The following CEP83 variants were observed in gnomAD, a reference collection of about 807,000 sequenced individuals.
CEP83 encodes centrosomal protein of 83 kDa.
CEP83 carries 70 observed loss-of-function variants against 101.9 expected under a neutral mutation model. That is an observed-to-expected ratio of 0.69 (90% CI 0.57 to 0.84). The LOEUF (loss-of-function observed/expected upper bound fraction) is 0.84. Ranked by LOEUF, CEP83 falls within the 40% of genes least tolerant of loss-of-function variation. CEP83 has a pLI of 0.00. For synonymous variants in CEP83, 264 were observed against 267.9 expected (o/e 0.99, Z 0.14); for missense variants, 715 against 787.2 (o/e 0.91, Z 1.10).
intron 8 of CEP83, among the ~76,000 whole-genome samples, chr12:94,372,018 G>A (rs2061331536): frequency 6.6e-6 from 1 of 152,124 alleles, no homozygotes; most frequent in African/African-American, 2.4e-5. Context: ...CTGTCGCCCA[G>A]GCTGGAGTAC....
rs897211859 is a variant in CEP83, at chr12:94,391,043, A to G, written c.549+9807T>C. Among the ~76,000 whole-genome samples the G allele has an allele frequency of 5.9e-5, 9 of 152,346 alleles. No individual in the cohort carries two copies. In the South Asian group the frequency reaches 1.7e-3, roughly 28 times the overall value. On this transcript the variant is annotated intron_variant, in intron 6 of 16. Coordinates refer to ENST00000397809, the MANE Select transcript of CEP83 (RefSeq NM_016122.3). ...GACAGGGAGAATGGAACCAAGCAGG[A>G]AAACATTCTTCAGGATATTATCCAG...
intron 6 of CEP83, among the ~76,000 whole-genome samples, chr12:94,390,829 T>G (rs975787041): frequency 6.6e-6 from 1 of 152,132 alleles, no homozygotes; most frequent in African/African-American, 2.4e-5. Flanking sequence ...TCGTGATGCA[T>G]GCAGAAGCTT....
chr12:94,297,281 C>T, the CEP83 span: 1 of 1,611,840 alleles, frequency 6.2e-7, no homozygotes, highest in Admixed American at 1.7e-5. Context: ...CAAGAGTGGT[C>T]TCCTTGGGTA....
chr12:94,413,843 C>G (rs1244903217), intron 2 of CEP83, among the ~76,000 whole-genome samples: 2 of 151,358 alleles, frequency 1.3e-5, no homozygotes, highest in Non-Finnish European at 2.9e-5. Context: ...CACACACACA[C>G]ACACACACAC....
At chr12:94,267,453 G>A in the CEP83 span, among the ~76,000 whole-genome samples, 17 of 152,242 alleles carry the variant, frequency 1.1e-4, no homozygotes, top group African/African-American at 3.9e-4. Context: ...AATTCATGTC[G>A]ACTCTTGAAA....
chr12:94,432,183 T>C lies in CEP83; in HGVS notation c.-102+3092A>G, dbSNP rs976380089. On this transcript the variant is annotated intron_variant, in intron 2 of 16. Coordinates refer to ENST00000397809, the MANE Select transcript of CEP83 (RefSeq NM_016122.3). ...CATTCTCCTGCCTCAGCCTCCTGAG[T>C]AGCTGGGACTACAGGCACCCACCAC... 7.9e-5 allele frequency among the ~76,000 whole-genome samples: 12 copies of C among 151,864 alleles called. No homozygotes were observed. In the East Asian group the frequency reaches 1.7e-3, roughly 22 times the overall value.
intron 1 of CEP83, among the ~76,000 whole-genome samples, chr12:94,445,072 C>T (rs1220948000): frequency 6.6e-6 from 1 of 151,926 alleles, no homozygotes; most frequent in African/African-American, 2.4e-5. Context: ...CTTGCATTAC[C>T]TGACTTCACT....
chr12:94,339,344 T>C (rs1469536770), intron 11 of CEP83, among the ~76,000 whole-genome samples: 1 of 152,218 alleles, frequency 6.6e-6, no homozygotes, highest in Non-Finnish European at 1.5e-5. Context: ...CCCTTGAGTT[T>C]ATACTCCAAC....
chr12:94,298,915 G>C, the CEP83 span: 1 of 950,000 alleles, frequency 1.1e-6, no homozygotes, highest in Non-Finnish European at 1.5e-6. Context: ...CTTTGGGCTT[G>C]GTAAGCTATC....
chr12:94,326,439 G>A (rs1292580786), intron 14 of CEP83, among the ~76,000 whole-genome samples: 2 of 152,184 alleles, frequency 1.3e-5, no homozygotes, highest in Non-Finnish European at 2.9e-5. Flanking sequence ...TGCAGTTGGG[G>A]CAGTCTTGTG....
rs772364736 is a variant in CEP83 at position 94,309,972 on chromosome 12, A to G, written c.1947T>C (p.Phe649=). The change falls in exon 16 of 17, where the codon TTT becomes TTC. Residue 649 remains phenylalanine, a synonymous_variant. Coordinates refer to ENST00000397809, the MANE Select transcript of CEP83 (RefSeq NM_016122.3). ...PPTASINPVS[F]QSSAMVPSME... is the part of the protein sequence containing the mutation. ...TGCTTGGAACCATGGCTGATGACTG[A>G]AAGCTAACAGGATTGATAGATGCTG... is the stretch of plus-strand genomic sequence containing the variant. 6.2e-7 allele frequency: 1 copy of G among 1,611,764 alleles called. No homozygotes were observed. The highest frequency in any genetic ancestry group is 1.7e-5 in the Admixed American group (1 of 59,894).
chr12:94,333,871 T>C (rs763586062), intron 12 of CEP83, among the ~76,000 whole-genome samples: 1 of 152,084 alleles, frequency 6.6e-6, no homozygotes, highest in Non-Finnish European at 1.5e-5. Context: ...CTCCCTCTTC[T>C]TTCCAAAATA....
At chr12:94,350,191 T>A (rs2060136305) in intron 11 of CEP83, among the ~76,000 whole-genome samples, 1 of 152,122 alleles carries the variant, frequency 6.6e-6, no homozygotes, top group Non-Finnish European at 1.5e-5. Flanking sequence ...GATGAAATAA[T>A]CCTGAAGAAC....
intron 11 of CEP83, among the ~76,000 whole-genome samples, chr12:94,357,092 A>T (rs555729757): frequency 2.0e-4 from 31 of 152,322 alleles, no homozygotes; most frequent in Non-Finnish European, 3.8e-4. Context: ...TCTTAAAAAG[A>T]TGATTGCAGA....
intron 1 of CEP83, among the ~76,000 whole-genome samples, chr12:94,435,702 A>G (rs1367063161): frequency 6.6e-6 from 1 of 152,046 alleles, no homozygotes; most frequent in Non-Finnish European, 1.5e-5. Flanking sequence ...CATTTCAGCA[A>G]CTCCTAACAG....
chr12:94,454,556 T>A lies in CEP83; in HGVS notation c.-155+5001A>T, dbSNP rs879042155. ...GTAAAATGGACCAATTAGCAGGATGTGGGTGGGGCCAAATAAGGGAAGAAG... is the reference window on the plus strand; with the variant it reads ...GTAAAATGGACCAATTAGCAGGATGAGGGTGGGGCCAAATAAGGGAAGAAG... On this transcript the variant is annotated intron_variant, in intron 1 of 16. Transcript: ENST00000397809. Among the ~76,000 whole-genome samples, 6 of 152,214 alleles carry A rather than the reference T, an allele frequency of 3.9e-5. No individual in the cohort carries two copies. The East Asian group carries it at 9.6e-4, about 24-fold the overall frequency.
At chr12:94,290,627 T>G in the CEP83 span, among the ~76,000 whole-genome samples, 1 of 152,240 alleles carries the variant, frequency 6.6e-6, no homozygotes. Context: ...GGCTGGCTCT[T>G]GCTCTGTGTT....
At chr12:94,330,656 A>T (rs2059159387) in intron 14 of CEP83, among the ~76,000 whole-genome samples, 1 of 152,230 alleles carries the variant, frequency 6.6e-6, no homozygotes, top group Non-Finnish European at 1.5e-5. Flanking sequence ...GTATTTCTGA[A>T]TTGGAAACAA....
intron 11 of CEP83, among the ~76,000 whole-genome samples, chr12:94,359,780 G>A (rs371263794): frequency 3.3e-5 from 5 of 152,020 alleles, no homozygotes; most frequent in African/African-American, 7.2e-5. Flanking sequence ...CAAACTCTAC[G>A]AGGCCAGCAT....
Sources: allele counts gnomAD v4.1 joint callset (sites outside exome capture counted in the v4.1 genomes callset), GRCh38; gene constraint gnomAD v4.1.1; transcripts MANE v1.5; gene names NCBI Gene and HGNC (gene_info 2026-07-23, HGNC 2026-07-21).